PPP1R2: variants seen among roughly 807,000 people sequenced by gnomAD.
PPP1R2 encodes protein phosphatase inhibitor 2.
PPP1R2 carries 16 observed loss-of-function variants against 29.9 expected under a neutral mutation model. The observed-to-expected ratio is 0.53, with a 90% CI of 0.36 to 0.81. The LOEUF (loss-of-function observed/expected upper bound fraction) is 0.81, where lower values mean the gene tolerates loss of function less well. Ranked by LOEUF, PPP1R2 falls within the 30% of genes least tolerant of loss-of-function variation. The probability of loss-of-function intolerance (pLI) is 0.00; values close to 1 mark genes in which losing one functional copy is unlikely to be tolerated. For missense variants in PPP1R2, 197 were observed against 252.7 expected (o/e 0.78, Z 1.49); for synonymous variants, 76 against 91.5 (o/e 0.83, Z 0.96).
intron 1 of PPP1R2, among the ~76,000 whole-genome samples, chr3:195,537,484 T>TGTGTGTGTGC (rs2108954165): frequency 1.7e-5 from 2 of 117,952 alleles, no homozygotes; most frequent in South Asian, 7.4e-4. Context: ...TTAGCTATTG[T>TGTGTGTGTGC]GTGTGTGTGT....
rs569933847 is a variant in PPP1R2 at position 195,519,852 on chromosome 3, C to T, written c.404-667G>A. 4.6e-5 allele frequency among the ~76,000 whole-genome samples: 7 copies of T among 151,126 alleles called. No individual in the cohort carries two copies. In the South Asian group the frequency reaches 1.5e-3, roughly 32 times the overall value. ...TAAAGCTGGCAGCAACACAACTGAT[C>T]ACACTAGAGCAACTATTTATGAATA... On this transcript the variant is annotated intron_variant, in intron 4 of 5. Coordinates refer to ENST00000618156, the MANE Select transcript of PPP1R2 (RefSeq NM_006241.8).
chr3:195,525,998 T>C (rs969095203), intron 2 of PPP1R2, among the ~76,000 whole-genome samples: 1 of 152,214 alleles, frequency 6.6e-6, no homozygotes, highest in Non-Finnish European at 1.5e-5. Context: ...ATTATGTTTA[T>C]ATATGTACAT....
intron 1 of PPP1R2, among the ~76,000 whole-genome samples, chr3:195,537,076 A>C (rs570596780): frequency 6.6e-6 from 1 of 151,966 alleles, no homozygotes; most frequent in East Asian, 1.9e-4. Flanking sequence ...CCCTTTGTAT[A>C]ATACATATAA....
At chr3:195,533,978 C>G (rs1719280933) in intron 1 of PPP1R2, among the ~76,000 whole-genome samples, 1 of 152,134 alleles carries the variant, frequency 6.6e-6, no homozygotes, top group Admixed American at 6.6e-5. Context: ...CTTCTGCCAA[C>G]CAACAGGCTG....
intron 1 of PPP1R2, among the ~76,000 whole-genome samples, chr3:195,537,759 T>C (rs1719450721): frequency 6.6e-6 from 1 of 152,132 alleles, no homozygotes; most frequent in Non-Finnish European, 1.5e-5. Flanking sequence ...CTCACTCAAC[T>C]TGTTTTCTCA....
At chr3:195,542,673 T>C (rs981777730) in intron 1 of PPP1R2, among the ~76,000 whole-genome samples, 14 of 151,910 alleles carry the variant, frequency 9.2e-5, no homozygotes, top group African/African-American at 3.1e-4. Context: ...TCAAAGATGA[T>C]GTTTAAAAAT....
intron 4 of PPP1R2, among the ~76,000 whole-genome samples, chr3:195,521,851 A>T (rs1295066690): frequency 6.6e-6 from 1 of 152,086 alleles, no homozygotes; most frequent in African/African-American, 2.4e-5. Flanking sequence ...GGGTTTCGCC[A>T]TGTTGGCCAG....
chr3:195,520,372 G>C (rs1718709739), intron 4 of PPP1R2, among the ~76,000 whole-genome samples: 1 of 152,198 alleles, frequency 6.6e-6, no homozygotes, highest in Admixed American at 6.5e-5. Context: ...ACAGAGGCCA[G>C]ATGCTGGGGC....
In PPP1R2 at chr3:195,529,851, G is replaced by A; in HGVS notation, c.173C>T (p.Pro58Leu). The A allele has an allele frequency of 6.2e-7, 1 of 1,611,906 alleles. No individual in the cohort carries two copies. Among genetic ancestry groups the A allele is most frequent in the Non-Finnish European group, 8.5e-7 (1 of 1,179,622 alleles). Residue 58 changes from proline (P) to leucine (L), a missense_variant, in exon 2 of 6, where the codon CCA becomes CTA. Pro to Leu is a moderately conservative substitution (Grantham distance 98). Transcript: ENST00000618156. Reference protein sequence around the residue: ...DEMNILATYHPADKDYGLMKI... With the variant: ...DEMNILATYHLADKDYGLMKI... ...CATTAAACCATAGTCTTTGTCTGCTGGATGATACGTCGCCAAGATGTTCAT... is the reference window on the plus strand; with the variant it reads ...CATTAAACCATAGTCTTTGTCTGCTAGATGATACGTCGCCAAGATGTTCAT...
chr3:195,531,200 A>C (rs574568188), intron 1 of PPP1R2, among the ~76,000 whole-genome samples: 2 of 152,358 alleles, frequency 1.3e-5, no homozygotes, highest in East Asian at 3.9e-4. Flanking sequence ...CGATAATTAA[A>C]TGCTTTCATT....
intron 4 of PPP1R2, among the ~76,000 whole-genome samples, chr3:195,522,579 T>C (rs1442832937): frequency 6.6e-6 from 1 of 152,232 alleles, no homozygotes; most frequent in Non-Finnish European, 1.5e-5. Flanking sequence ...ACTATTTCTA[T>C]TTGAAATACT....
intron 3 of PPP1R2, among the ~76,000 whole-genome samples, 159 bp from the exon 4 acceptor site, chr3:195,523,945 G>A (rs564494650): frequency 7.6e-4 from 116 of 152,190 alleles, no homozygotes; most frequent in African/African-American, 1.6e-3. Context: ...GAAACGTGCC[G>A]GGCATGGTGG....
chr3:195,542,795 C>G, intron 1 of PPP1R2, 109 bp downstream of exon 1: 1 of 1,340,506 alleles, frequency 7.5e-7, no homozygotes, highest in Non-Finnish European at 9.9e-7. Flanking sequence ...AGAAGAGACT[C>G]GAGCGGCACC....
Position 195,515,263 on chromosome 3 carries a change from A to G in PPP1R2, c.*1633T>C, listed in dbSNP as rs1346211087. 6.5e-6 allele frequency: 1 copy of G among 153,960 alleles called. No homozygotes were observed. The highest frequency in any genetic ancestry group is 1.5e-5 in the Non-Finnish European group (1 of 68,032). 9.5% of individuals were successfully genotyped at this position (153,960 alleles called of 1,614,324 possible). On this transcript the variant is annotated 3_prime_UTR_variant, in exon 6 of 6. Coordinates refer to ENST00000618156, the MANE Select transcript of PPP1R2 (RefSeq NM_006241.8). ...CTCACAGTTCAGCAGTACTTTGATT[A>G]TATATCTCATTCAAAAAATCAAAAT...
At chr3:195,542,873 G>T (rs191120804) in intron 1 of PPP1R2, 31 bp downstream of exon 1, 1 of 1,582,448 alleles carries the variant, frequency 6.3e-7, no homozygotes, top group Non-Finnish European at 8.6e-7. Context: ...CGGGAAGGAG[G>T]GGCTCCCAGG....
At chr3:195,518,707 T>G (rs539103762) in intron 5 of PPP1R2, among the ~76,000 whole-genome samples, 66 of 150,738 alleles carry the variant, frequency 4.4e-4, no homozygotes, top group Non-Finnish European at 8.1e-4. Context: ...TTATGACAAA[T>G]ACAACATGAC....
At chr3:195,517,923 A>G (rs775881184) in intron 5 of PPP1R2, among the ~76,000 whole-genome samples, 13 of 152,196 alleles carry the variant, frequency 8.5e-5, no homozygotes, top group Non-Finnish European at 1.5e-4. Flanking sequence ...TGAGACAGCA[A>G]CTCATCAGGC....
chr3:195,528,700 C>CTTTTTTTTTTTTTTTTTTTTTTTTTTTTT (rs767313014), intron 2 of PPP1R2: 4 of 76,646 alleles, frequency 5.2e-5, no homozygotes, highest in Non-Finnish European at 9.4e-5. Flanking sequence ...TAGGGCATAA[C>CTTTTTTTTTTTTTTTTTTTTTTTTTTTTT]TATTTTTTTT....
intron 5 of PPP1R2, 142 bp downstream of exon 5, chr3:195,518,876 T>G: frequency 1.5e-6 from 2 of 1,320,906 alleles, no homozygotes; most frequent in Non-Finnish European, 2.0e-6. Context: ...CCATGCGGGT[T>G]AAAACTTTAG....
Sources: gnomAD v4.1 joint callset for allele counts (sites outside exome capture counted in the v4.1 genomes callset) on GRCh38, gnomAD v4.1.1 for gene constraint, MANE v1.5 for transcripts, NCBI Gene and HGNC (gene_info 2026-07-23, HGNC 2026-07-21) for gene names.